Variants in NRG1 observed in about 807,000 individuals in gnomAD.
The protein encoded by NRG1 is neuregulin 1.
In NRG1, 18 loss-of-function variants were observed where a neutral mutation model predicts 63.8. That is an observed-to-expected ratio of 0.28 (90% confidence interval 0.19 to 0.42). NRG1 has a LOEUF of 0.42. Ranked by LOEUF, NRG1 falls within the 10% of genes least tolerant of loss-of-function variation. The pLI, the probability that NRG1 is intolerant of heterozygous loss-of-function variation, is 1.00. For missense variants in NRG1, 762 were observed against 814.7 expected (o/e 0.94, Z 0.79); for synonymous variants, 302 against 301.3 (o/e 1.00, Z -0.02).
At chr8:32,268,704 A>G (rs938746438) in intron 1 of NRG1, among the ~76,000 whole-genome samples, 7 of 152,094 alleles carry the variant, frequency 4.6e-5, no homozygotes, top group Non-Finnish European at 7.4e-5. Context: ...TTAGAAGCCA[A>G]CTCTCAACAG....
At chr8:32,470,527 C>T (rs1179850772) in intron 1 of NRG1, among the ~76,000 whole-genome samples, 1 of 152,046 alleles carries the variant, frequency 6.6e-6, no homozygotes, top group Non-Finnish European at 1.5e-5. Flanking sequence ...TTTTTAACCT[C>T]TTCTCCATGT....
At chr8:32,773,620 G>A (rs1831931908) in intron 7 of NRG1, among the ~76,000 whole-genome samples, 1 of 152,138 alleles carries the variant, frequency 6.6e-6, no homozygotes, top group Admixed American at 6.5e-5. Flanking sequence ...CAGCCTCACT[G>A]CTTCGGCTCT....
intron 5 of NRG1, chr8:32,647,628 C>T: frequency 1.4e-6 from 2 of 1,472,530 alleles, no homozygotes; most frequent in Non-Finnish European, 1.8e-6. Context: ...ATCGATTTCC[C>T]CCTGTAAGAT....
chr8:31,669,181 T>C (rs1281560621), intron 1 of NRG1, among the ~76,000 whole-genome samples: 2 of 151,672 alleles, frequency 1.3e-5, no homozygotes, highest in Non-Finnish European at 2.9e-5. Flanking sequence ...TCAGCCTCCC[T>C]AGTAGATGGG....
chr8:31,736,661 G>A (rs1194927210), intron 1 of NRG1, among the ~76,000 whole-genome samples: 1 of 150,772 alleles, frequency 6.6e-6, no homozygotes, highest in African/African-American at 2.5e-5. Flanking sequence ...AATGTCTCAA[G>A]TATTAAAATA....
intron 1 of NRG1, among the ~76,000 whole-genome samples, chr8:31,921,749 A>G (rs1481628): frequency 0.66 from 99,957 of 151,958 alleles, 33,308 homozygotes; most frequent in East Asian, 0.92. Flanking sequence ...TGAGATGTTG[A>G]GCACTAAAAT....
chr8:32,387,404 C>T (rs916560113), intron 1 of NRG1, among the ~76,000 whole-genome samples: 3 of 152,014 alleles, frequency 2.0e-5, no homozygotes, highest in African/African-American at 7.2e-5. Context: ...AATGTCCAGC[C>T]CACAAAAAAG....
intron 1 of NRG1, among the ~76,000 whole-genome samples, chr8:32,166,950 G>T (rs1839463940): frequency 6.6e-6 from 1 of 152,158 alleles, no homozygotes; most frequent in South Asian, 2.1e-4. Flanking sequence ...ATTAAACTAT[G>T]GCTGGTTTCA....
intron 5 of NRG1, among the ~76,000 whole-genome samples, chr8:32,671,742 G>A (rs1805689501): frequency 6.6e-6 from 1 of 151,928 alleles, no homozygotes; most frequent in African/African-American, 2.4e-5. Flanking sequence ...ATTTTAAGAT[G>A]GGCCCCTGAA....
intron 1 of NRG1, among the ~76,000 whole-genome samples, chr8:31,900,259 A>AGGTGTG (rs1831961141): frequency 6.6e-6 from 1 of 152,206 alleles, no homozygotes; most frequent in Admixed American, 6.5e-5. Context: ...GGTAGTGATA[A>AGGTGTG]GATACTGGCG....
intron 1 of NRG1, among the ~76,000 whole-genome samples, chr8:32,242,080 C>T (rs1267656045): frequency 1.3e-5 from 2 of 152,096 alleles, no homozygotes; most frequent in African/African-American, 4.8e-5. Context: ...TTGCTACTTA[C>T]GAGAAGTCTT....
chr8:32,222,017 C>T lies in NRG1; in HGVS notation c.38-373811C>T, dbSNP rs150858667. ...TCCTTTCACAGCTAAGCTAAAGTGTCTATATGGAAACATACATACACACAC... is the reference window on the plus strand; with the variant it reads ...TCCTTTCACAGCTAAGCTAAAGTGTTTATATGGAAACATACATACACACAC... On this transcript the variant is annotated intron_variant, in intron 1 of 10. Transcript: ENST00000519301. 3.7e-3 allele frequency among the ~76,000 whole-genome samples: 515 copies of T among 139,640 alleles called. 6 individuals carry two copies. Among genetic ancestry groups the T allele is most frequent in the African/African-American group, 0.014 (496 of 36,512 alleles). 91.6% of individuals were successfully genotyped at this position (139,640 alleles called of 152,430 possible).
chr8:32,763,808 C>G (rs1324515745), exon 12 of NRG1: 61 of 1,597,764 alleles, frequency 3.8e-5, no homozygotes, highest in Non-Finnish European at 4.5e-5. Flanking sequence ...ACACGCCAAG[C>G]TCCCCCAAAT....
chr8:32,376,934 T>G (rs1464760385), intron 1 of NRG1, among the ~76,000 whole-genome samples: 1 of 152,216 alleles, frequency 6.6e-6, no homozygotes, highest in African/African-American at 2.4e-5. Flanking sequence ...CCATTTTATT[T>G]TCTAAAATTA....
chr8:32,093,193 C>T (rs191982021), intron 1 of NRG1, among the ~76,000 whole-genome samples: 289 of 152,208 alleles, frequency 1.9e-3, no homozygotes, highest in Admixed American at 3.3e-3. Context: ...ACCGTGTGCT[C>T]GCAGAGACAT....
chr8:32,696,562 G>A (rs1294339833), intron 5 of NRG1, among the ~76,000 whole-genome samples: 1 of 151,680 alleles, frequency 6.6e-6, no homozygotes, highest in Non-Finnish European at 1.5e-5. Context: ...ACTTTTGCCT[G>A]CCCTTCTTAC....
At chr8:31,945,598 A>C (rs867534754) in intron 1 of NRG1, among the ~76,000 whole-genome samples, 12 of 151,762 alleles carry the variant, frequency 7.9e-5, no homozygotes, top group Non-Finnish European at 1.3e-4. Context: ...TTGGGATTGA[A>C]AATAAGACTT....
chr8:32,374,632 C>T (rs1309744758), intron 1 of NRG1, among the ~76,000 whole-genome samples: 2 of 152,218 alleles, frequency 1.3e-5, no homozygotes, highest in Admixed American at 1.3e-4. Flanking sequence ...CCAACATCTT[C>T]ACCTCCAGGG....
At chr8:31,932,636 T>C (rs904003608) in intron 1 of NRG1, among the ~76,000 whole-genome samples, 1 of 152,212 alleles carries the variant, frequency 6.6e-6, no homozygotes, top group Non-Finnish European at 1.5e-5. Context: ...GAGATGATAT[T>C]TTCTATAGAA....
Sources: allele counts gnomAD v4.1 joint callset (sites outside exome capture counted in the v4.1 genomes callset), GRCh38; gene constraint gnomAD v4.1.1; transcripts MANE v1.5; gene names NCBI Gene and HGNC (gene_info 2026-07-23, HGNC 2026-07-21).